The following RHBDD1 variants were observed in gnomAD, a reference collection of about 807,000 sequenced individuals.
The protein encoded by RHBDD1 is rhomboid domain containing 1, also known as rhomboid-related protein 4.
RHBDD1 carries 38 observed loss-of-function variants against 36.3 expected under a neutral mutation model. The ratio of observed to expected loss-of-function variants is 1.05; its 90% CI spans 0.81 to 1.37. The LOEUF (loss-of-function observed/expected upper bound fraction) is 1.37. Among genes scored for constraint, RHBDD1 ranks in the 40% most tolerant of loss-of-function variants. The pLI is 0.00. For synonymous variants in RHBDD1, 151 were observed against 136.5 expected, an observed-to-expected ratio of 1.11 and a Z score of -0.74; for missense variants, 393 against 377.6, an observed-to-expected ratio of 1.04 and a Z score of -0.34.
chr2:226,882,883 G>C (rs1304481652), intron 5 of RHBDD1, among the ~76,000 whole-genome samples: 1 of 152,114 alleles, frequency 6.6e-6, no homozygotes, highest in Non-Finnish European at 1.5e-5. Context: ...CTCTCTTCTA[G>C]GCTACATTCT....
chr2:226,898,240 TGTC>T (rs1325024933), intron 5 of RHBDD1, among the ~76,000 whole-genome samples: 1 of 152,136 alleles, frequency 6.6e-6, no homozygotes, highest in African/African-American at 2.4e-5. Context: ...CTCAGGGAAT[TGTC>T]TTATTAGCAG....
At chr2:226,988,658 A>G (rs1957529355) in intron 8 of RHBDD1, 1 of 985,102 alleles carries the variant, frequency 1.0e-6, no homozygotes, top group South Asian at 4.7e-5. Flanking sequence ...GGAAGGTAGG[A>G]TTTTAATATT....
At chr2:226,880,177 TATATA>T (rs1945592752) in intron 5 of RHBDD1, among the ~76,000 whole-genome samples, 6 of 152,190 alleles carry the variant, frequency 3.9e-5, no homozygotes, top group Non-Finnish European at 7.3e-5. Flanking sequence ...ATGACAAGTG[TATATA>T]GAATGATACC....
the RHBDD1 span, among the ~76,000 whole-genome samples, chr2:226,811,414 G>A: frequency 5.9e-5 from 9 of 152,166 alleles, no homozygotes; most frequent in South Asian, 2.1e-4. Flanking sequence ...CGATTCTAGC[G>A]CCTCAGCCTC....
chr2:226,893,983 T>C (rs879284730), intron 5 of RHBDD1, among the ~76,000 whole-genome samples: 14 of 152,196 alleles, frequency 9.2e-5, no homozygotes, highest in Non-Finnish European at 1.9e-4. Context: ...GGATTTAACA[T>C]ACAGTGACTT....
chr2:226,985,844 C>T (rs1235234063), intron 8 of RHBDD1, among the ~76,000 whole-genome samples: 3 of 152,260 alleles, frequency 2.0e-5, no homozygotes, highest in African/African-American at 7.2e-5. Context: ...GACAAAGCCA[C>T]CTTGAGATGC....
chr2:226,824,740 G>A, the RHBDD1 span, among the ~76,000 whole-genome samples: 1 of 152,164 alleles, frequency 6.6e-6, no homozygotes, highest in Non-Finnish European at 1.5e-5. Flanking sequence ...GCCCCCTTCA[G>A]TCACCATCAG....
Position 226,864,829 on chromosome 2 carries a change from C to T in RHBDD1, c.136C>T (p.Gln46Ter), listed in dbSNP as rs1430043349. ...ALNIWFFLNPQKPLYSSCLSV... is the reference protein window; with the variant it reads ...ALNIWFFLNP ...CAACATCTGGTTCTTCTTGAACCCT[C>T]AGAAGCCACTGTATAGCTCCTGCCT... Residue 46 changes from glutamine to a stop codon, truncating the protein, a stop_gained, in exon 4 of 9, where the codon CAG becomes TAG. Coordinates refer to ENST00000392062, the MANE Select transcript of RHBDD1 (RefSeq NM_001167608.3). LOFTEE classifies it high-confidence loss of function. 3 of 1,614,220 alleles carry T rather than the reference C, an allele frequency of 1.9e-6. 1 individual carries two copies. The highest frequency in any genetic ancestry group is 2.2e-5 in the South Asian group (2 of 91,072).
chr2:226,836,414 C>T (rs969333145), intron 1 of RHBDD1, among the ~76,000 whole-genome samples: 22 of 152,218 alleles, frequency 1.4e-4, no homozygotes, highest in African/African-American at 5.3e-4. Context: ...TAAAGGGTTC[C>T]TTTTGAAAGC....
intron 8 of RHBDD1, among the ~76,000 whole-genome samples, chr2:226,929,732 G>T (rs1447073783): frequency 1.3e-5 from 2 of 151,864 alleles, no homozygotes; most frequent in African/African-American, 2.4e-5. Flanking sequence ...ATGATTGTAT[G>T]CTTGGAAAAC....
chr2:226,990,911 C>T (rs562036151), intron 8 of RHBDD1, among the ~76,000 whole-genome samples: 1 of 152,232 alleles, frequency 6.6e-6, no homozygotes, highest in South Asian at 2.1e-4. Flanking sequence ...GGAGCAGGGC[C>T]GTTTCACCCA....
the RHBDD1 span, among the ~76,000 whole-genome samples, chr2:226,830,382 A>C: frequency 6.6e-6 from 1 of 152,214 alleles, no homozygotes; most frequent in African/African-American, 2.4e-5. Context: ...ACTGAGACAT[A>C]AATTTCTGTT....
intron 5 of RHBDD1, among the ~76,000 whole-genome samples, chr2:226,880,484 T>C (rs550539821): frequency 6.6e-6 from 1 of 152,286 alleles, no homozygotes; most frequent in Admixed American, 6.5e-5. Flanking sequence ...TTGAGTCAGA[T>C]TTTATGAGAT....
chr2:226,903,818 C>T (rs1947800091), intron 5 of RHBDD1, among the ~76,000 whole-genome samples: 1 of 152,082 alleles, frequency 6.6e-6, no homozygotes. Context: ...AACCTGAGAC[C>T]CCAGGCTCCA....
At chr2:226,823,253 G>A in the RHBDD1 span, among the ~76,000 whole-genome samples, 1 of 152,194 alleles carries the variant, frequency 6.6e-6, no homozygotes, top group African/African-American at 2.4e-5. Context: ...TCAGTCTCTT[G>A]ATCTTGGACT....
At chr2:226,842,004 T>C (rs894429968) in intron 3 of RHBDD1, among the ~76,000 whole-genome samples, 1 of 152,128 alleles carries the variant, frequency 6.6e-6, no homozygotes, top group Non-Finnish European at 1.5e-5. Flanking sequence ...TGGCATGAGA[T>C]AGTATCTCAT....
chr2:226,919,450 T>C (rs1450600709), intron 8 of RHBDD1, among the ~76,000 whole-genome samples: 1 of 152,144 alleles, frequency 6.6e-6, no homozygotes, highest in African/African-American at 2.4e-5. Context: ...GACTCATAGT[T>C]TGAGGTCTTA....
At chr2:226,905,250 C>T (rs138194135) in intron 5 of RHBDD1, among the ~76,000 whole-genome samples, 215 of 151,738 alleles carry the variant, frequency 1.4e-3, no homozygotes, top group African/African-American at 5.0e-3. Flanking sequence ...CAGAGAGAGA[C>T]GGACAGGCAG....
chr2:226,866,186 A>T (rs930839621), intron 4 of RHBDD1, among the ~76,000 whole-genome samples: 2 of 151,926 alleles, frequency 1.3e-5, no homozygotes, highest in Non-Finnish European at 2.9e-5. Flanking sequence ...TTCTCCTGCC[A>T]CAGCCTCCCG....
Sources: allele counts gnomAD v4.1 joint callset (sites outside exome capture counted in the v4.1 genomes callset), GRCh38; gene constraint gnomAD v4.1.1; transcripts MANE v1.5; gene names NCBI Gene and HGNC (gene_info 2026-07-23, HGNC 2026-07-21).